Variants in EPB41L4A observed in about 807,000 individuals in gnomAD.
The protein encoded by EPB41L4A is band 4.1-like protein 4A.
EPB41L4A carries 100 observed loss-of-function variants against 108.6 expected under a neutral mutation model. The ratio of observed to expected loss-of-function variants is 0.92; its 90% CI spans 0.78 to 1.09. EPB41L4A has a LOEUF of 1.09. Ranked by LOEUF, EPB41L4A falls within the 50% of genes least tolerant of loss-of-function variation. The probability of loss-of-function intolerance (pLI) is 0.00; values close to 1 mark genes in which losing one functional copy is unlikely to be tolerated. For missense variants in EPB41L4A, 1,030 were observed against 842.7 expected, an observed-to-expected ratio of 1.22 and a Z score of -2.75; for synonymous variants, 319 against 289.0, an observed-to-expected ratio of 1.10 and a Z score of -1.05.
chr5:112,354,993 G>A (rs144791287), intron 1 of EPB41L4A, among the ~76,000 whole-genome samples: 259 of 152,152 alleles, frequency 1.7e-3, no homozygotes, highest in Non-Finnish European at 3.0e-3. Context: ...TAAACAAAAG[G>A]AGGAAGGGGG....
intron 1 of EPB41L4A, among the ~76,000 whole-genome samples, chr5:112,348,117 T>C (rs1232099791): frequency 6.6e-6 from 1 of 152,146 alleles, no homozygotes; most frequent in African/African-American, 2.4e-5. Context: ...CCCTACCTAT[T>C]ACACTTTTCT....
At chr5:112,311,575 G>A (rs1755055608) in intron 1 of EPB41L4A, among the ~76,000 whole-genome samples, 1 of 152,136 alleles carries the variant, frequency 6.6e-6, no homozygotes, top group Non-Finnish European at 1.5e-5. Flanking sequence ...TTTTGCTCAT[G>A]TTTTGGGCTG....
In EPB41L4A at chr5:112,266,287, G is replaced by C. The variant is rs185548416; in HGVS notation, c.379C>G (p.Arg127Gly). Residue 127 changes from arginine (R) to glycine (G), a missense_variant, in exon 5 of 23, where the codon CGT (arginine) becomes GGT (glycine). Coordinates refer to ENST00000261486, the MANE Select transcript of EPB41L4A (RefSeq NM_022140.5). ...GCAGTGTTGACGGGACAGGGCAGAC[G>C]GCCCTGAAGGACATCTTGCTTCACC... is the stretch of plus-strand genomic sequence containing the variant. The part of the protein sequence containing the change: ...LQVKQDVLQG[R>G]LPCPVNTAAQ... 6.2e-6 allele frequency: 10 copies of C among 1,610,108 alleles called. No individual in the cohort carries two copies. Among genetic ancestry groups the C allele is most frequent in the Admixed American group, 3.4e-5 (2 of 59,568 alleles).
At chr5:112,373,016 G>A (rs899049789) in intron 1 of EPB41L4A, among the ~76,000 whole-genome samples, 2 of 152,098 alleles carry the variant, frequency 1.3e-5, no homozygotes, top group African/African-American at 4.8e-5. Flanking sequence ...AAGAGCAATC[G>A]CTATTTAGCA....
At chr5:112,229,664 GTTTTCCA>G in intron 12 of EPB41L4A, among the ~76,000 whole-genome samples, 1 of 151,938 alleles carries the variant, frequency 6.6e-6, no homozygotes, top group East Asian at 1.9e-4. Flanking sequence ...ATAATATTTG[GTTTTCCA>G]TTCCTGAGTT....
At chr5:112,326,100 T>C (rs972742547) in intron 1 of EPB41L4A, among the ~76,000 whole-genome samples, 1 of 152,086 alleles carries the variant, frequency 6.6e-6, no homozygotes, top group East Asian at 1.9e-4. Context: ...GAGTAAGCTA[T>C]GATCATACCA....
intron 4 of EPB41L4A, among the ~76,000 whole-genome samples, chr5:112,270,366 T>C (rs560482877): frequency 1.3e-4 from 20 of 152,244 alleles, no homozygotes; most frequent in African/African-American, 4.8e-4. Flanking sequence ...GATCGTTACC[T>C]TCATCCCACA....
intron 1 of EPB41L4A, among the ~76,000 whole-genome samples, chr5:112,307,697 C>A (rs1754785862): frequency 6.6e-6 from 1 of 151,618 alleles, no homozygotes; most frequent in South Asian, 2.1e-4. Flanking sequence ...TTGGAAAATA[C>A]TTTTTAAATC....
intron 9 of EPB41L4A, among the ~76,000 whole-genome samples, chr5:112,248,960 C>T (rs1750441824): frequency 1.3e-5 from 2 of 152,216 alleles, no homozygotes; most frequent in South Asian, 4.2e-4. Context: ...CTTCCCCAGG[C>T]TCCCTAAAAT....
chr5:112,164,803 C>T lies in EPB41L4A; in HGVS notation c.*187G>A. 1 of 516,436 alleles carries T rather than the reference C, an allele frequency of 1.9e-6. No homozygotes were observed. The highest frequency in any genetic ancestry group is 3.1e-6 in the Non-Finnish European group (1 of 324,656). The allele number at this position is 516,436 out of a possible 1,614,324, so 32.0% of individuals were successfully genotyped here. ...GAGCTGACACGGTGCCGCTGCACTC[C>T]AGCCTGGGCGACAGAGTGATAACAT... is the stretch of plus-strand genomic sequence containing the variant. On this transcript the variant is annotated 3_prime_UTR_variant, in exon 23 of 23. Transcript: ENST00000261486.
intron 1 of EPB41L4A, among the ~76,000 whole-genome samples, chr5:112,348,491 A>G (rs1473951961): frequency 6.6e-6 from 1 of 152,164 alleles, no homozygotes; most frequent in Non-Finnish European, 1.5e-5. Context: ...AGTAATTCTG[A>G]ATGTTTCTAG....
intron 1 of EPB41L4A, among the ~76,000 whole-genome samples, chr5:112,418,173 T>C (rs1486419681): frequency 1.3e-5 from 2 of 152,200 alleles, no homozygotes; most frequent in African/African-American, 4.8e-5. Flanking sequence ...CTCCTTTAGG[T>C]AGTTAACACT....
At chr5:112,240,963 G>C (rs1412162002) in intron 9 of EPB41L4A, among the ~76,000 whole-genome samples, 153 bp from the exon 10 acceptor site, 1 of 152,094 alleles carries the variant, frequency 6.6e-6, no homozygotes, top group African/African-American at 2.4e-5. Context: ...TATTTTTGGA[G>C]AGGTGCATTA....
chr5:112,278,657 G>A (rs1357600366), intron 3 of EPB41L4A, among the ~76,000 whole-genome samples: 1 of 152,046 alleles, frequency 6.6e-6, no homozygotes, highest in Non-Finnish European at 1.5e-5. Context: ...CACTTTAAAT[G>A]TGCTTAGGAA....
At chr5:112,202,079 C>A (rs1056734430) in intron 15 of EPB41L4A, among the ~76,000 whole-genome samples, 1 of 152,186 alleles carries the variant, frequency 6.6e-6, no homozygotes, top group African/African-American at 2.4e-5. Context: ...AAGAGAGACT[C>A]CAGTTAGATC....
intron 9 of EPB41L4A, among the ~76,000 whole-genome samples, chr5:112,243,168 C>T (rs1749925154): frequency 6.8e-6 from 1 of 146,756 alleles, no homozygotes. Context: ...GAGCCGAGAT[C>T]GTGCCACTGC....
intron 1 of EPB41L4A, among the ~76,000 whole-genome samples, chr5:112,370,292 C>T (rs1297702661): frequency 6.6e-6 from 1 of 151,730 alleles, no homozygotes; most frequent in East Asian, 1.9e-4. Context: ...CTACCTTAGC[C>T]TCCCGAAGTG....
At position 112,184,044 on chromosome 5, in the gene EPB41L4A, T is replaced by A. The variant is rs753114972; in HGVS notation, c.1594A>T (p.Asn532Tyr). Residue 532 changes from asparagine (N) to tyrosine (Y), a missense_variant, in exon 18 of 23, where the codon AAC becomes TAC. By Grantham distance (143) the Asn-to-Tyr change is moderately radical. Coordinates refer to ENST00000261486, the MANE Select transcript of EPB41L4A (RefSeq NM_022140.5). ...CGAGATCTGTGTCTGGATCGCCTGT[T>A]GTTGGGGTCGGCTTGGTTTTTTTCC... Reference protein sequence around the residue: ...QKEKNQADPNNRRSRHRSRSR... With the variant: ...QKEKNQADPNYRRSRHRSRSR... The A allele has an allele frequency of 4.6e-5, 75 of 1,613,986 alleles. No individual in the cohort carries two copies. The highest frequency in any genetic ancestry group is 5.7e-5 in the Non-Finnish European group (67 of 1,179,972).
Position 112,314,505 on chromosome 5 carries a change from T to TAAAAAAAAAAAAAAAAAAAAAAAAAA in EPB41L4A, c.100-7041_100-7016dup, listed in dbSNP as rs552428109. On this transcript the variant is annotated intron_variant, in intron 1 of 22. Coordinates refer to ENST00000261486, the MANE Select transcript of EPB41L4A (RefSeq NM_022140.5). Reference sequence around the variant, plus strand: ...CAACAATGTGAAACCCCATCGCTACTAAAAAAAAAAAAAAAAAAAAAAAAA... The same window carrying TAAAAAAAAAAAAAAAAAAAAAAAAAA: ...CAACAATGTGAAACCCCATCGCTACTAAAAAAAAAAAAAAAAAAAAAAAAAAAAAAAAAAAAAAAAAAAAAAAAAAA... Among the ~76,000 whole-genome samples the TAAAAAAAAAAAAAAAAAAAAAAAAAA allele has an allele frequency of 9.1e-5, 5 of 55,184 alleles. 1 individual carries two copies. The highest frequency in any genetic ancestry group is 1.6e-3 in the East Asian group (2 of 1,222). The allele number at this position is 55,184 out of a possible 152,430, so 36.2% of individuals were successfully genotyped here.
Sources: gnomAD v4.1 joint callset for allele counts (sites outside exome capture counted in the v4.1 genomes callset) on GRCh38, gnomAD v4.1.1 for gene constraint, MANE v1.5 for transcripts, NCBI Gene and HGNC (gene_info 2026-07-23, HGNC 2026-07-21) for gene names.